Variants in SCTR observed in about 807,000 individuals in gnomAD.
SCTR encodes secretin receptor.
A neutral mutation model predicts 60.8 loss-of-function variants in SCTR; 56 were observed. That is an observed-to-expected ratio of 0.92 (90% CI 0.74 to 1.15). The LOEUF (loss-of-function observed/expected upper bound fraction) is 1.15, where lower values mean the gene tolerates loss of function less well. SCTR is among the 50% of genes most tolerant of loss of function. The pLI is 0.00. For synonymous variants in SCTR, 202 were observed against 217.0 expected, an observed-to-expected ratio of 0.93 and a Z score of 0.61; for missense variants, 562 against 550.4, an observed-to-expected ratio of 1.02 and a Z score of -0.21.
intron 8 of SCTR, 94 bp downstream of exon 8, chr2:119,453,193 G>C: frequency 2.1e-6 from 2 of 941,358 alleles, no homozygotes; most frequent in South Asian, 2.7e-5. Flanking sequence ...TGAGAAAAAG[G>C]CCTTTCCTAG....
At chr2:119,502,895 C>A (rs1436298757) in intron 1 of SCTR, among the ~76,000 whole-genome samples, 1 of 151,084 alleles carries the variant, frequency 6.6e-6, no homozygotes, top group African/African-American at 2.4e-5. Flanking sequence ...GTAATCCCAG[C>A]ACTTTCAGCA....
chr2:119,509,221 C>T (rs1230942044), intron 1 of SCTR, among the ~76,000 whole-genome samples: 26 of 152,142 alleles, frequency 1.7e-4, no homozygotes, highest in Admixed American at 1.7e-3. Flanking sequence ...GAACCTAACC[C>T]AGGGGATGGA....
At chr2:119,494,650 TA>T in intron 1 of SCTR, 102 bp from the exon 2 acceptor site, 1 of 1,258,444 alleles carries the variant, frequency 7.9e-7, no homozygotes. Context: ...GGGATTCAAG[TA>T]AAGCAAAGCC....
intron 8 of SCTR, 61 bp from the exon 9 acceptor site, chr2:119,452,140 C>T (rs1683198021): frequency 3.9e-6 from 4 of 1,030,672 alleles, no homozygotes; most frequent in Admixed American, 1.9e-5. Context: ...GGCTAACCAG[C>T]AAGGACATGT....
intron 2 of SCTR, chr2:119,486,502 T>C (rs1238476653): frequency 6.6e-6 from 1 of 152,218 alleles, no homozygotes; most frequent in Admixed American, 6.5e-5. Context: ...CTTCATTTCA[T>C]ACCACCTTTC....
intron 11 of SCTR, among the ~76,000 whole-genome samples, chr2:119,442,773 C>T (rs570142812): frequency 6.6e-6 from 1 of 152,234 alleles, no homozygotes; most frequent in South Asian, 2.1e-4. Context: ...ATCCCAGTAG[C>T]TGGGGGCATC....
rs186616578 is a variant in SCTR, at chr2:119,444,904, T to C, written c.1140+1855A>G. The stretch of plus-strand genomic sequence containing the variant: ...ACACATATATTCGTACGAATATATA[T>C]ACATATATTCGTACGAATATACACA... On this transcript the variant is annotated intron_variant, in intron 11 of 12. Coordinates refer to ENST00000019103, the MANE Select transcript of SCTR (RefSeq NM_002980.3). Among the ~76,000 whole-genome samples the C allele has an allele frequency of 4.6e-4, 6 of 12,906 alleles. 2 individuals carry two copies. Among genetic ancestry groups the C allele is most frequent in the Non-Finnish European group, 7.5e-4 (6 of 7,992 alleles). 8.5% of individuals were successfully genotyped at this position (12,906 alleles called of 152,430 possible). A position where few individuals can be genotyped will look rare whatever the true frequency, so the allele number is the denominator to read the frequency against.
At chr2:119,452,125 A>G (rs1683197105) in intron 8 of SCTR, 46 bp from the exon 9 acceptor site, 2 of 1,215,356 alleles carry the variant, frequency 1.6e-6, no homozygotes, top group Middle Eastern at 1.9e-4. Flanking sequence ...GAGCTGTGGG[A>G]GCTGGGCTAA....
At position 119,482,649 on chromosome 2, in the gene SCTR, C is replaced by T. The variant is rs142772175; in HGVS notation, c.194-3731G>A. Among the ~76,000 whole-genome samples the T allele has an allele frequency of 6.5e-3, 992 of 152,322 alleles. 5 individuals carry two copies. Among genetic ancestry groups the T allele is most frequent in the South Asian group, 0.018 (86 of 4,828 alleles). On this transcript the variant is annotated intron_variant, in intron 2 of 12. Transcript: ENST00000019103. The stretch of plus-strand genomic sequence containing the variant: ...CCCAGGGACGGCTCCGCCACTATCC[C>T]GAGGCTGCCCGTCTACATTCCAGCT...
intron 6 of SCTR, among the ~76,000 whole-genome samples, chr2:119,463,317 A>T (rs1178070647): frequency 2.6e-5 from 4 of 152,202 alleles, no homozygotes; most frequent in African/African-American, 9.7e-5. Flanking sequence ...CTCAATAGAA[A>T]GGCAAAGCTG....
Position 119,454,854 on chromosome 2 carries a change from C to CAAA in SCTR, c.791-1510_791-1508dup, listed in dbSNP as rs34210976. On this transcript the variant is annotated intron_variant, in intron 7 of 12. Transcript: ENST00000019103. ...GGGTGACAAGAGAGGAACTCCATCT[C>CAAA]AAAAAAAAAAAAATGTAAAATATGT... Among the ~76,000 whole-genome samples the CAAA allele has an allele frequency of 9.2e-3, 1,340 of 145,108 alleles. 12 individuals carry two copies. Among genetic ancestry groups the CAAA allele is most frequent in the African/African-American group, 0.023 (904 of 39,270 alleles).
At chr2:119,497,600 G>GA (rs1306075771) in intron 1 of SCTR, among the ~76,000 whole-genome samples, 1 of 150,444 alleles carries the variant, frequency 6.6e-6, no homozygotes, top group African/African-American at 2.5e-5. Context: ...GAAAGGAAAG[G>GA]AAGGAAGGAA....
intron 3 of SCTR, among the ~76,000 whole-genome samples, chr2:119,475,200 A>G (rs13402447): frequency 0.11 from 15,993 of 152,224 alleles, 1,913 homozygotes; most frequent in African/African-American, 0.3. Context: ...CTGAATCAAG[A>G]GAGTTAGGTT....
At chr2:119,519,608 A>G (rs1447327563) in intron 1 of SCTR, among the ~76,000 whole-genome samples, 1 of 151,684 alleles carries the variant, frequency 6.6e-6, no homozygotes, top group South Asian at 2.1e-4. Flanking sequence ...AGTTCAAGAC[A>G]AGCCTGGCCA....
intron 1 of SCTR, among the ~76,000 whole-genome samples, chr2:119,499,965 A>G (rs1194010396): frequency 6.6e-6 from 1 of 152,142 alleles, no homozygotes; most frequent in Non-Finnish European, 1.5e-5. Flanking sequence ...GGAGGAACAC[A>G]TACATATACA....
chr2:119,471,631 C>T (rs72833293), intron 4 of SCTR, among the ~76,000 whole-genome samples: 2,781 of 152,306 alleles, frequency 0.018, 32 homozygotes, highest in South Asian at 0.053. Context: ...CTGCCACTCT[C>T]CACCCGTGCT....
chr2:119,513,906 G>T (rs1482736659), intron 1 of SCTR, among the ~76,000 whole-genome samples: 3 of 152,124 alleles, frequency 2.0e-5, no homozygotes, highest in Non-Finnish European at 2.9e-5. Flanking sequence ...CCACTTTTTA[G>T]TATCCCATAA....
intron 1 of SCTR, among the ~76,000 whole-genome samples, chr2:119,510,473 ACC>A (rs1678896840): frequency 6.6e-6 from 1 of 152,170 alleles, no homozygotes; most frequent in African/African-American, 2.4e-5. Context: ...TGGAGCAACC[ACC>A]CAGAAGATGT....
intron 6 of SCTR, 117 bp from the exon 7 acceptor site, chr2:119,462,117 G>A (rs1013168461): frequency 1.6e-5 from 15 of 955,960 alleles, no homozygotes; most frequent in Non-Finnish European, 2.1e-5. Context: ...ACAAGAGCGG[G>A]CCTCTGGGGT....
Sources: gnomAD v4.1 joint callset for allele counts (sites outside exome capture counted in the v4.1 genomes callset) on GRCh38, gnomAD v4.1.1 for gene constraint, MANE v1.5 for transcripts, NCBI Gene and HGNC (gene_info 2026-07-23, HGNC 2026-07-21) for gene names.